Variants in ATPSCKMT observed in about 807,000 individuals in gnomAD.
ATPSCKMT encodes ATP synthase subunit C lysine N-methyltransferase.
In ATPSCKMT, 24 loss-of-function variants were observed where a neutral mutation model predicts 24.3. The observed-to-expected ratio is 0.99, with a 90% CI of 0.71 to 1.39. The LOEUF is 1.39. Among genes scored for constraint, ATPSCKMT ranks in the 40% most tolerant of loss-of-function variants. The pLI is 0.00. For missense variants in ATPSCKMT, 311 were observed against 298.4 expected, an observed-to-expected ratio of 1.04 and a Z score of -0.31; for synonymous variants, 95 against 110.5, an observed-to-expected ratio of 0.86 and a Z score of 0.88.
chr5:10,235,371 T>C lies in ATPSCKMT; in HGVS notation c.445-110A>G. The C allele has an allele frequency of 4.5e-6, 4 of 898,792 alleles. No homozygotes were observed. In the East Asian group the frequency reaches 1.1e-4, roughly 24 times the overall value. 55.7% of individuals were successfully genotyped at this position (898,792 alleles called of 1,614,324 possible). A position where few individuals can be genotyped will look rare whatever the true frequency, so the allele number is the denominator to read the frequency against. ...GTTTTCCATTTTACCAAACGGTGGG[T>C]TTTGATGAACTCCTAAGAACAGCGG... On this transcript the variant is annotated intron_variant, in intron 3 of 4. Transcript: ENST00000511437.
intron 4 of ATPSCKMT, among the ~76,000 whole-genome samples, chr5:10,228,919 T>G (rs948987029): frequency 2.0e-5 from 3 of 152,212 alleles, no homozygotes; most frequent in South Asian, 2.1e-4. Context: ...CGTGAGCCAC[T>G]GCAGCTGGCC....
At chr5:10,245,104 T>C (rs1224684636) in intron 1 of ATPSCKMT, among the ~76,000 whole-genome samples, 2 of 152,118 alleles carry the variant, frequency 1.3e-5, no homozygotes, top group African/African-American at 2.4e-5. Flanking sequence ...TTCTCCTCAG[T>C]AAAATTTGGA....
At chr5:10,249,025 G>C (rs1579438802) in intron 1 of ATPSCKMT, among the ~76,000 whole-genome samples, 1 of 152,146 alleles carries the variant, frequency 6.6e-6, no homozygotes, top group African/African-American at 2.4e-5. Context: ...CCCAACACTT[G>C]GGGAGACCTA....
In ATPSCKMT at chr5:10,236,609, C is replaced by A; in HGVS notation, c.313G>T (p.Ala105Ser). 2 of 1,613,712 alleles carry A rather than the reference C, an allele frequency of 1.2e-6. No individual in the cohort carries two copies. Among genetic ancestry groups the A allele is most frequent in the African/African-American group, 2.7e-5 (2 of 75,000 alleles). Residue 105 changes from alanine to serine, a missense_variant, in exon 3 of 5, where the codon GCG becomes TCG. Ala to Ser is a moderately conservative substitution (Grantham distance 99, BLOSUM62 1). Transcript: ENST00000511437. The stretch of plus-strand genomic sequence containing the variant: ...GCTGTGAACCCTTTCTTCGCAGCCG[C>A]TATGACCTGTGGAGAGAGGCAGGAT... ...IGSGDGRIVIAAAKKGFTAVG... is the reference protein window; with the variant it reads ...IGSGDGRIVISAAKKGFTAVG...
At chr5:10,243,185 T>C (rs572107312) in intron 1 of ATPSCKMT, among the ~76,000 whole-genome samples, 21 of 152,306 alleles carry the variant, frequency 1.4e-4, no homozygotes, top group Admixed American at 3.3e-4. Context: ...GGTTGTTTCA[T>C]CCATATTGAA....
intron 1 of ATPSCKMT, chr5:10,249,633 A>T: frequency 1.6e-6 from 1 of 639,594 alleles, no homozygotes; most frequent in Non-Finnish European, 2.5e-6. Flanking sequence ...GTAGCCTAGA[A>T]CAGTCTCTGG....
chr5:10,227,486 C>G lies in ATPSCKMT; in HGVS notation c.657G>C (p.Lys219Asn). 1 of 1,614,216 alleles carries G rather than the reference C, an allele frequency of 6.2e-7. No individual in the cohort carries two copies. Among genetic ancestry groups the G allele is most frequent in the Middle Eastern group, 1.6e-4 (1 of 6,062 alleles). Residue 219 changes from lysine to asparagine, a missense_variant, in exon 5 of 5, where the codon AAG becomes AAC. Physicochemically the swap from Lys to Asn is moderately conservative, Grantham distance 94. Transcript: ENST00000511437. ...GGAAATGCATCGATGTACAGGGCCTCTTTTCACGGCCTCTAAAAGTGCTTG... is the reference window on the plus strand; with the variant it reads ...GGAAATGCATCGATGTACAGGGCCTGTTTTCACGGCCTCTAAAAGTGCTTG... ...YDASTFRGREKRPCTSMHFQL... is the reference protein window; with the variant it reads ...YDASTFRGRENRPCTSMHFQL...
intron 1 of ATPSCKMT, chr5:10,249,641 TG>T: frequency 2.9e-6 from 2 of 701,516 alleles, no homozygotes; most frequent in Non-Finnish European, 4.5e-6. Context: ...GAACAGTCTC[TG>T]GGGAAACGCG....
intron 2 of ATPSCKMT, chr5:10,237,143 T>C (rs994984219): frequency 5.4e-6 from 4 of 736,980 alleles, no homozygotes; most frequent in African/African-American, 1.8e-5. Flanking sequence ...TGAATCCCAA[T>C]AACGTCAACT....
chr5:10,240,596 G>A (rs938270123), intron 1 of ATPSCKMT, among the ~76,000 whole-genome samples: 9 of 152,134 alleles, frequency 5.9e-5, no homozygotes, highest in African/African-American at 2.2e-4. Context: ...ATATTGTGAG[G>A]ATGAAATGAG....
intron 4 of ATPSCKMT, among the ~76,000 whole-genome samples, chr5:10,229,852 G>A (rs960439474): frequency 3.3e-5 from 5 of 152,230 alleles, no homozygotes; most frequent in African/African-American, 1.2e-4. Context: ...GCCACTGGGA[G>A]GCTCTTGCCG....
rs1331210264 is a variant in ATPSCKMT at position 10,249,686 on chromosome 5, C to T, written c.16+172G>A. On this transcript the variant is annotated intron_variant, in intron 1 of 4. Transcript: ENST00000511437. ...CAAGGATCGCCAGAACCGGCGCGGG[C>T]ACCGCGCGGCGACCAGGAGCTCTGG... is the stretch of plus-strand genomic sequence containing the variant. The T allele has an allele frequency of 8.0e-5, 86 of 1,073,260 alleles. 1 individual carries two copies. In the East Asian group the frequency reaches 2.0e-3, roughly 26 times the overall value. The allele number at this position is 1,073,260 out of a possible 1,614,324, so 66.5% of individuals were successfully genotyped here.
intron 4 of ATPSCKMT, among the ~76,000 whole-genome samples, chr5:10,230,067 C>T (rs1284567558): frequency 6.6e-6 from 1 of 152,102 alleles, no homozygotes; most frequent in Non-Finnish European, 1.5e-5. Context: ...TAAAAAGTAA[C>T]CAAGATGAAA....
Position 10,228,900 on chromosome 5 carries a change from G to A in ATPSCKMT, c.496-1253C>T, listed in dbSNP as rs767711599. Among the ~76,000 whole-genome samples the A allele has an allele frequency of 3.3e-5, 5 of 152,206 alleles. 1 individual carries two copies. ...CCACCTCAGCCTCTCAAAGTGTTGG[G>A]ACTACAGGCGTGAGCCACTGCAGCT... On this transcript the variant is annotated intron_variant, in intron 4 of 4. Transcript: ENST00000511437.
chr5:10,236,832 C>T (rs1015474798), intron 2 of ATPSCKMT: 3 of 1,484,024 alleles, frequency 2.0e-6, no homozygotes, highest in Non-Finnish European at 2.7e-6. Flanking sequence ...TGGTTAAAGA[C>T]TTCACCTCAA....
chr5:10,244,922 AAAG>A (rs1744827808), intron 1 of ATPSCKMT, among the ~76,000 whole-genome samples: 2 of 151,918 alleles, frequency 1.3e-5, no homozygotes, highest in Admixed American at 6.6e-5. Context: ...AAAAAAAAAA[AAAG>A]AAAAGTCAAG....
intron 2 of ATPSCKMT, among the ~76,000 whole-genome samples, chr5:10,237,615 CCTT>C (rs144110190): frequency 0.013 from 1,962 of 152,302 alleles, 44 homozygotes; most frequent in African/African-American, 0.045. Context: ...ACTTGCTCCT[CCTT>C]GTCTTTCACC....
At chr5:10,238,759 A>T (rs1744488927) in intron 2 of ATPSCKMT, among the ~76,000 whole-genome samples, 1 of 152,246 alleles carries the variant, frequency 6.6e-6, no homozygotes, top group Non-Finnish European at 1.5e-5. Flanking sequence ...ATGATTTAAC[A>T]TATTTCTTCT....
chr5:10,239,993 A>G (rs548376124), intron 1 of ATPSCKMT, among the ~76,000 whole-genome samples: 7 of 151,912 alleles, frequency 4.6e-5, no homozygotes, highest in South Asian at 2.1e-4. Context: ...TTGGGAGGCC[A>G]AGGCGGGCCG....
Sources: allele counts gnomAD v4.1 joint callset (sites outside exome capture counted in the v4.1 genomes callset), GRCh38; gene constraint gnomAD v4.1.1; transcripts MANE v1.5; gene names NCBI Gene and HGNC (gene_info 2026-07-23, HGNC 2026-07-21).